CTNNA2: variants seen among roughly 807,000 people sequenced by gnomAD.
The protein encoded by CTNNA2 is catenin alpha 2, also known as catenin alpha-2.
In CTNNA2, 42 loss-of-function variants were observed where a neutral mutation model predicts 101.0. That is an observed-to-expected ratio of 0.42 (90% CI 0.32 to 0.54). The LOEUF (loss-of-function observed/expected upper bound fraction) is 0.54, where lower values mean the gene tolerates loss of function less well. Among genes scored for constraint, CTNNA2 ranks in the 20% least tolerant of loss-of-function variants. CTNNA2 has a pLI of 0.14. For synonymous variants in CTNNA2, 450 were observed against 456.4 expected (o/e 0.99, Z 0.18); for missense variants, 871 against 1,223.1 (o/e 0.71, Z 4.29).
At chr2:80,136,578 C>A (rs1558841618) in intron 7 of CTNNA2, among the ~76,000 whole-genome samples, 1 of 152,152 alleles carries the variant, frequency 6.6e-6, no homozygotes, top group Non-Finnish European at 1.5e-5. Context: ...GCGTTCTGAG[C>A]TTGTGCCTTA....
chr2:80,483,426 T>C (rs929580095), intron 9 of CTNNA2, among the ~76,000 whole-genome samples: 1 of 151,038 alleles, frequency 6.6e-6, no homozygotes, highest in African/African-American at 2.4e-5. Context: ...GATTATTTAT[T>C]GTGCATCAAA....
chr2:79,292,864 G>T (rs2104382515), intron 2 of CTNNA2: 1 of 152,306 alleles, frequency 6.6e-6, no homozygotes, highest in East Asian at 1.9e-4. Flanking sequence ...GCCCTTGTCT[G>T]GTCAGTATCA....
At chr2:79,916,755 T>G (rs1024421474) in intron 7 of CTNNA2, among the ~76,000 whole-genome samples, 1 of 151,692 alleles carries the variant, frequency 6.6e-6, no homozygotes, top group African/African-American at 2.4e-5. Context: ...CCCGAGTAGC[T>G]GGGACTACAG....
intron 9 of CTNNA2, among the ~76,000 whole-genome samples, chr2:80,489,575 T>C (rs1686874184): frequency 6.6e-6 from 1 of 152,162 alleles, no homozygotes; most frequent in South Asian, 2.1e-4. Flanking sequence ...TGTTCTGATA[T>C]TGAAATTAAT....
intron 7 of CTNNA2, among the ~76,000 whole-genome samples, chr2:80,113,199 T>G (rs1252060449): frequency 6.6e-6 from 1 of 152,202 alleles, no homozygotes; most frequent in East Asian, 1.9e-4. Context: ...AGATGTAGGC[T>G]TTTGGGTTAT....
chr2:80,575,818 G>A (rs901104382), intron 13 of CTNNA2, among the ~76,000 whole-genome samples: 10 of 151,958 alleles, frequency 6.6e-5, no homozygotes, highest in South Asian at 2.1e-4. Context: ...ATAAAATGTC[G>A]TATCTTTGTC....
intron 7 of CTNNA2, among the ~76,000 whole-genome samples, chr2:80,104,597 T>A (rs755658683): frequency 2.0e-5 from 3 of 152,178 alleles, no homozygotes; most frequent in African/African-American, 7.2e-5. Flanking sequence ...TTACCTTGAG[T>A]TGGAAAGATG....
intron 3 of CTNNA2, among the ~76,000 whole-genome samples, chr2:79,332,578 A>G (rs1049752543): frequency 9.2e-5 from 14 of 152,208 alleles, no homozygotes; most frequent in Non-Finnish European, 2.1e-4. Context: ...TGCACTTTCC[A>G]TATTTATTAA....
At chr2:80,156,995 C>G (rs1445191373) in intron 7 of CTNNA2, among the ~76,000 whole-genome samples, 1 of 152,180 alleles carries the variant, frequency 6.6e-6, no homozygotes, top group Non-Finnish European at 1.5e-5. Context: ...TACCCCTCTC[C>G]ATGAGACTTT....
chr2:79,544,651 A>AT (rs1231271621), intron 1 of CTNNA2, among the ~76,000 whole-genome samples: 1 of 152,150 alleles, frequency 6.6e-6, no homozygotes, highest in Non-Finnish European at 1.5e-5. Flanking sequence ...TAGCTTCAGA[A>AT]TTTTTTCTTG....
intron 4 of CTNNA2, among the ~76,000 whole-genome samples, chr2:79,486,754 A>C (rs948673698): frequency 6.6e-5 from 10 of 152,144 alleles, no homozygotes; most frequent in African/African-American, 2.2e-4. Context: ...CTGACTTTTT[A>C]ATGATCGCCA....
chr2:80,157,087 G>C (rs1468110174), intron 7 of CTNNA2, among the ~76,000 whole-genome samples: 2 of 152,110 alleles, frequency 1.3e-5, no homozygotes. Flanking sequence ...ACTGCAAAGA[G>C]GAATAGAATG....
At chr2:80,432,714 G>A (rs560612492) in intron 9 of CTNNA2, among the ~76,000 whole-genome samples, 2 of 152,192 alleles carry the variant, frequency 1.3e-5, no homozygotes, top group Non-Finnish European at 2.9e-5. Context: ...CCAACCAAAT[G>A]ATTCTCTTAC....
intron 2 of CTNNA2, among the ~76,000 whole-genome samples, chr2:79,221,217 C>A (rs1572986158): frequency 6.6e-6 from 1 of 152,148 alleles, no homozygotes; most frequent in African/African-American, 2.4e-5. Flanking sequence ...GGCACAAACA[C>A]TGCTCACTGC....
At chr2:79,352,326 T>C (rs1677409196) in intron 3 of CTNNA2, among the ~76,000 whole-genome samples, 1 of 152,158 alleles carries the variant, frequency 6.6e-6, no homozygotes, top group African/African-American at 2.4e-5. Flanking sequence ...ATTGTGTATC[T>C]CCAGGAATTT....
At chr2:80,061,507 C>A (rs1403147920) in intron 7 of CTNNA2, among the ~76,000 whole-genome samples, 1 of 151,970 alleles carries the variant, frequency 6.6e-6, no homozygotes, top group Non-Finnish European at 1.5e-5. Flanking sequence ...CTAAACGAAC[C>A]CCCACAACAC....
At chr2:80,179,145 C>A (rs996934232) in intron 7 of CTNNA2, among the ~76,000 whole-genome samples, 1 of 152,206 alleles carries the variant, frequency 6.6e-6, no homozygotes, top group African/African-American at 2.4e-5. Context: ...AAAGGAATGG[C>A]ATTTGCCGAA....
chr2:79,522,493 A>T (rs915303429), intron 1 of CTNNA2, among the ~76,000 whole-genome samples: 1 of 152,208 alleles, frequency 6.6e-6, no homozygotes, highest in Admixed American at 6.5e-5. Context: ...GCAGTGTGGT[A>T]CTGATGCCAC....
chr2:79,811,775 A>AT (rs1252770694), intron 3 of CTNNA2, among the ~76,000 whole-genome samples: 1 of 152,174 alleles, frequency 6.6e-6, no homozygotes, highest in Non-Finnish European at 1.5e-5. Context: ...TTCTGCTATG[A>AT]TTCATCCTGG....
Sources: allele counts gnomAD v4.1 joint callset (sites outside exome capture counted in the v4.1 genomes callset), GRCh38; gene constraint gnomAD v4.1.1; transcripts MANE v1.5; gene names NCBI Gene and HGNC (gene_info 2026-07-23, HGNC 2026-07-21).